Variants in BMP5 observed in about 807,000 individuals in gnomAD.
BMP5 encodes bone morphogenetic protein 5.
BMP5 carries 23 observed loss-of-function variants against 46.6 expected under a neutral mutation model. That is an observed-to-expected ratio of 0.49 (90% CI 0.35 to 0.70). BMP5 has a LOEUF of 0.70. Among genes scored for constraint, BMP5 ranks in the 30% least tolerant of loss-of-function variants. BMP5 has a pLI of 0.00. For missense variants in BMP5, 545 were observed against 565.6 expected (o/e 0.96, Z 0.37); for synonymous variants, 204 against 191.9 (o/e 1.06, Z -0.52).
At chr6:55,865,119 T>G (rs1177838054) in intron 1 of BMP5, among the ~76,000 whole-genome samples, 1 of 152,146 alleles carries the variant, frequency 6.6e-6, no homozygotes, top group Admixed American at 6.6e-5. Flanking sequence ...CTGCTTAGAG[T>G]TTAAAAGTTT....
At chr6:55,809,664 C>G (rs1776075013) in intron 2 of BMP5, among the ~76,000 whole-genome samples, 1 of 151,758 alleles carries the variant, frequency 6.6e-6, no homozygotes, top group African/African-American at 2.4e-5. Flanking sequence ...GGATACTTAA[C>G]CAAGAGGATA....
chr6:55,790,306 C>T (rs1332061863), intron 3 of BMP5, among the ~76,000 whole-genome samples: 2 of 152,122 alleles, frequency 1.3e-5, no homozygotes, highest in Non-Finnish European at 2.9e-5. Context: ...CACTCAATTA[C>T]CATTCAAGAC....
intron 4 of BMP5, among the ~76,000 whole-genome samples, chr6:55,773,265 T>C (rs1345040690): frequency 6.6e-6 from 1 of 151,948 alleles, no homozygotes; most frequent in Non-Finnish European, 1.5e-5. Context: ...TTTATTTTTA[T>C]ACATGAAATC....
intron 1 of BMP5, among the ~76,000 whole-genome samples, chr6:55,853,899 A>G (rs1170975462): frequency 6.6e-6 from 1 of 152,196 alleles, no homozygotes; most frequent in Non-Finnish European, 1.5e-5. Flanking sequence ...CTCATGACTT[A>G]GAGACACAAA....
chr6:55,793,078 C>G (rs748544477), intron 3 of BMP5, among the ~76,000 whole-genome samples: 2 of 151,900 alleles, frequency 1.3e-5, no homozygotes, highest in Non-Finnish European at 2.9e-5. Flanking sequence ...TATGTCTTAT[C>G]CTCCTATCAT....
At chr6:55,863,535 G>T (rs1405769501) in intron 1 of BMP5, among the ~76,000 whole-genome samples, 1 of 152,118 alleles carries the variant, frequency 6.6e-6, no homozygotes, top group Non-Finnish European at 1.5e-5. Flanking sequence ...AAATCACAGA[G>T]TCCAGTCTCT....
At chr6:55,850,199 C>T (rs1289264189) in intron 1 of BMP5, among the ~76,000 whole-genome samples, 1 of 152,034 alleles carries the variant, frequency 6.6e-6, no homozygotes, top group Admixed American at 6.6e-5. Flanking sequence ...AGGGATTAAT[C>T]ATAGTATTTA....
At chr6:55,759,183 A>AAAAAAAAAAAAAAAC in intron 5 of BMP5, 68 bp from the exon 6 acceptor site, 1 of 703,056 alleles carries the variant, frequency 1.4e-6, no homozygotes, top group African/African-American at 3.1e-5. Context: ...AAAAAAAAAA[A>AAAAAAAAAAAAAAAC]CAACAAGAAA....
At chr6:55,872,099 T>C (rs866864579) in intron 1 of BMP5, among the ~76,000 whole-genome samples, 1 of 151,820 alleles carries the variant, frequency 6.6e-6, no homozygotes, top group Non-Finnish European at 1.5e-5. Context: ...TTTATTTGAT[T>C]ATAAAAGAAA....
chr6:55,804,651 T>C (rs1051892400), intron 2 of BMP5, among the ~76,000 whole-genome samples: 2 of 152,154 alleles, frequency 1.3e-5, no homozygotes, highest in Non-Finnish European at 2.9e-5. Context: ...AAGAGGAGGC[T>C]GATGGTAGAT....
At chr6:55,867,780 G>A (rs754866689) in intron 1 of BMP5, among the ~76,000 whole-genome samples, 8 of 152,128 alleles carry the variant, frequency 5.3e-5, no homozygotes, top group Non-Finnish European at 1.0e-4. Context: ...AACATTCATC[G>A]AGGAAGGTGA....
intron 3 of BMP5, among the ~76,000 whole-genome samples, chr6:55,780,348 T>C (rs1216149914): frequency 2.7e-5 from 4 of 150,114 alleles, no homozygotes; most frequent in African/African-American, 4.9e-5. Flanking sequence ...TGGCCAGGAA[T>C]GGTGGCTCAC....
At chr6:55,829,307 T>A (rs1169864068) in intron 1 of BMP5, among the ~76,000 whole-genome samples, 1 of 151,774 alleles carries the variant, frequency 6.6e-6, no homozygotes, top group Non-Finnish European at 1.5e-5. Context: ...TTCATATACA[T>A]GTATAATAAA....
chr6:55,841,916 C>CACAGAGAG (rs1554185305), intron 1 of BMP5, among the ~76,000 whole-genome samples: 1 of 146,844 alleles, frequency 6.8e-6, no homozygotes, highest in East Asian at 2.0e-4. Flanking sequence ...GAGAGAGAGA[C>CACAGAGAG]AGAGAGAGAG....
At position 55,783,177 on chromosome 6, in the gene BMP5, G is replaced by A. The variant is rs191818089; in HGVS notation, c.833-8934C>T. Among the ~76,000 whole-genome samples, 8 of 152,178 alleles carry A rather than the reference G, an allele frequency of 5.3e-5. No individual in the cohort carries two copies. In the East Asian group the frequency reaches 1.6e-3, roughly 30 times the overall value. ...ACTTCTTATTAGCCATAAGAAGGCA[G>A]GTGGCTTCCCCAGTTCCTATTCCAC... On this transcript the variant is annotated intron_variant, in intron 3 of 6. Transcript: ENST00000370830.
At chr6:55,772,598 C>T (rs564595416) in intron 4 of BMP5, among the ~76,000 whole-genome samples, 2 of 151,984 alleles carry the variant, frequency 1.3e-5, no homozygotes, top group East Asian at 3.9e-4. Flanking sequence ...AGTTATTTTT[C>T]TCCATCTTTC....
At chr6:55,771,258 G>A (rs1435530684) in intron 4 of BMP5, among the ~76,000 whole-genome samples, 2 of 151,764 alleles carry the variant, frequency 1.3e-5, no homozygotes, top group Admixed American at 6.6e-5. Flanking sequence ...TCCACCTAGT[G>A]CCTTTATATC....
chr6:55,822,588 T>A (rs891661241), intron 1 of BMP5, among the ~76,000 whole-genome samples: 7 of 152,252 alleles, frequency 4.6e-5, no homozygotes, highest in Non-Finnish European at 8.8e-5. Context: ...ATATTTAAAA[T>A]TTTAACCAAA....
intron 3 of BMP5, among the ~76,000 whole-genome samples, chr6:55,780,718 C>T (rs1353704773): frequency 1.3e-5 from 2 of 152,098 alleles, no homozygotes; most frequent in African/African-American, 4.8e-5. Context: ...GAAACATTGG[C>T]AGGATAACTA....
Sources: gnomAD v4.1 joint callset for allele counts (sites outside exome capture counted in the v4.1 genomes callset) on GRCh38, gnomAD v4.1.1 for gene constraint, MANE v1.5 for transcripts, NCBI Gene and HGNC (gene_info 2026-07-23, HGNC 2026-07-21) for gene names.